The following RANBP2 variants were observed in gnomAD, a reference collection of about 807,000 sequenced individuals.
The protein encoded by RANBP2 is E3 SUMO-protein ligase RanBP2.
RANBP2 carries 57 observed loss-of-function variants against 303.6 expected under a neutral mutation model. The ratio of observed to expected loss-of-function variants is 0.19; its 90% confidence interval spans 0.15 to 0.23. The LOEUF is 0.23. RANBP2 is among the 10% of genes least tolerant of loss of function. The pLI, the probability that RANBP2 is intolerant of heterozygous loss-of-function variation, is 1.00. For synonymous variants in RANBP2, 1,167 were observed against 1,301.5 expected, an observed-to-expected ratio of 0.90 and a Z score of 2.23; for missense variants, 3,138 against 3,780.8, an observed-to-expected ratio of 0.83 and a Z score of 4.46.
chr2:109,200,225 G>A, the RANBP2 span, among the ~76,000 whole-genome samples: 3 of 151,994 alleles, frequency 2.0e-5, no homozygotes, highest in Admixed American at 1.3e-4. Context: ...CTGCAGAGTC[G>A]CCAGAGGGGC....
the RANBP2 span, among the ~76,000 whole-genome samples, chr2:109,547,066 A>C: frequency 6.6e-6 from 1 of 152,064 alleles, no homozygotes; most frequent in Admixed American, 6.6e-5. Context: ...CCCTTCCCCA[A>C]CCAGGGAGAA....
chr2:108,909,826 G>T, the RANBP2 span, among the ~76,000 whole-genome samples: 1 of 152,226 alleles, frequency 6.6e-6, no homozygotes, highest in African/African-American at 2.4e-5. Context: ...TCCTCCTCCA[G>T]AGGCCTCTTT....
the RANBP2 span, among the ~76,000 whole-genome samples, chr2:108,867,177 T>C: frequency 7.2e-5 from 11 of 152,260 alleles, no homozygotes; most frequent in East Asian, 2.1e-3. Context: ...TTAAGTGACT[T>C]ATTTAATGTC....
the RANBP2 span, among the ~76,000 whole-genome samples, chr2:109,383,379 A>G: frequency 2.6e-5 from 4 of 151,940 alleles, no homozygotes; most frequent in African/African-American, 7.2e-5. Context: ...TCTATCCTAC[A>G]GGTCTCGGTT....
the RANBP2 span, among the ~76,000 whole-genome samples, chr2:109,765,305 G>A: frequency 6.7e-6 from 1 of 148,150 alleles, no homozygotes; most frequent in African/African-American, 2.5e-5. Context: ...ATACACGTAA[G>A]TGAAACAAGA....
At chr2:109,694,978 C>T in the RANBP2 span, among the ~76,000 whole-genome samples, 4 of 152,056 alleles carry the variant, frequency 2.6e-5, no homozygotes, top group Non-Finnish European at 5.9e-5. Flanking sequence ...CCACCTCTTT[C>T]CCAGTCTGTT....
the RANBP2 span, chr2:109,371,496 G>T: frequency 9.7e-7 from 1 of 1,035,142 alleles, no homozygotes; most frequent in South Asian, 1.4e-5. Flanking sequence ...AATCTCTTCC[G>T]AGCCTCCACA....
At chr2:109,236,736 T>G in the RANBP2 span, among the ~76,000 whole-genome samples, 1 of 152,212 alleles carries the variant, frequency 6.6e-6, no homozygotes, top group African/African-American at 2.4e-5. Context: ...CAGCATGGAC[T>G]GTTTCCTGTT....
the RANBP2 span, among the ~76,000 whole-genome samples, chr2:109,358,159 C>T: frequency 3.3e-5 from 5 of 152,212 alleles, no homozygotes; most frequent in African/African-American, 9.7e-5. Context: ...GTAGCCTTTT[C>T]GTAATGGTTG....
At chr2:109,718,599 C>T in the RANBP2 span, among the ~76,000 whole-genome samples, 1 of 152,192 alleles carries the variant, frequency 6.6e-6, no homozygotes, top group Admixed American at 6.5e-5. Context: ...TGACAGCTAA[C>T]AAGTACCAGG....
At chr2:109,319,214 G>A in the RANBP2 span, among the ~76,000 whole-genome samples, 43,732 of 152,118 alleles carry the variant, frequency 0.29, 6,761 homozygotes, top group East Asian at 0.65. Flanking sequence ...AGTGACAGTG[G>A]CATCGTTTTG....
the RANBP2 span, among the ~76,000 whole-genome samples, chr2:109,423,197 G>A: frequency 2.0e-5 from 3 of 152,104 alleles, no homozygotes; most frequent in Admixed American, 6.5e-5. Context: ...AGGGAGATGG[G>A]GGGTTGGCCT....
At chr2:109,392,675 C>T in the RANBP2 span, among the ~76,000 whole-genome samples, 6 of 152,090 alleles carry the variant, frequency 3.9e-5, no homozygotes, top group Admixed American at 2.0e-4. Flanking sequence ...CCTGCCACCA[C>T]GCCCGGCTAA....
the RANBP2 span, among the ~76,000 whole-genome samples, chr2:109,710,257 C>T: frequency 6.6e-6 from 1 of 151,876 alleles, no homozygotes; most frequent in African/African-American, 2.4e-5. Context: ...TGGCACACAC[C>T]TGTAGTCCCA....
the RANBP2 span, among the ~76,000 whole-genome samples, chr2:109,303,880 T>C: frequency 1.3e-5 from 2 of 152,190 alleles, no homozygotes; most frequent in Admixed American, 6.5e-5. Flanking sequence ...TCCTTTGTTA[T>C]TAACATTGTT....
the RANBP2 span, among the ~76,000 whole-genome samples, chr2:109,344,284 G>T: frequency 6.6e-6 from 1 of 152,228 alleles, no homozygotes; most frequent in Non-Finnish European, 1.5e-5. Context: ...GTGGCTGATG[G>T]GTGCTGATGG....
chr2:108,843,867 TG>T, the RANBP2 span, among the ~76,000 whole-genome samples: 98 of 140,198 alleles, frequency 7.0e-4, 3 homozygotes, highest in African/African-American at 2.1e-3. Flanking sequence ...TGTGTGTGTG[TG>T]TGTGTGTGTG....
the RANBP2 span, among the ~76,000 whole-genome samples, chr2:109,072,113 T>C: frequency 9.9e-5 from 15 of 152,216 alleles, no homozygotes; most frequent in African/African-American, 3.4e-4. Flanking sequence ...CCTGTCTATA[T>C]ATGCAATGTT....
downstream of RANBP2, chr2:108,787,955 A>G (rs1573885217): frequency 5.8e-6 from 7 of 1,213,554 alleles, no homozygotes; most frequent in East Asian, 1.6e-4. Flanking sequence ...TAATTAATAC[A>G]TAATTTGTGG....
Sources: gnomAD v4.1 joint callset for allele counts (sites outside exome capture counted in the v4.1 genomes callset) on GRCh38, gnomAD v4.1.1 for gene constraint, MANE v1.5 for transcripts, NCBI Gene and HGNC (gene_info 2026-07-23, HGNC 2026-07-21) for gene names.